The following AGFG1 variants were observed in gnomAD, a reference collection of about 807,000 sequenced individuals.
AGFG1 encodes the protein arf-GAP domain and FG repeat-containing protein 1.
In AGFG1, 10 loss-of-function variants were observed where a neutral mutation model predicts 60.6. The ratio of observed to expected loss-of-function variants is 0.16; its 90% CI spans 0.10 to 0.28. The LOEUF is 0.28. Ranked by LOEUF, AGFG1 falls within the 10% of genes least tolerant of loss-of-function variation. The pLI, the probability that AGFG1 is intolerant of heterozygous loss-of-function variation, is 1.00. For synonymous variants in AGFG1, 247 were observed against 242.9 expected (o/e 1.02, Z -0.16); for missense variants, 537 against 676.5 (o/e 0.79, Z 2.29).
rs1690182330 is a variant in AGFG1, at chr2:227,473,447, G to T, written c.167+859G>T. Reference sequence around the variant, plus strand: ...TCGCTATCAATACCCGAGTGCCCTGGCTGTACACAGAAATGAGGAGAGCTA... The same window carrying T: ...TCGCTATCAATACCCGAGTGCCCTGTCTGTACACAGAAATGAGGAGAGCTA... On this transcript the variant is annotated intron_variant, in intron 1 of 12. Transcript: ENST00000310078. 2.0e-5 allele frequency among the ~76,000 whole-genome samples: 3 copies of T among 152,232 alleles called. No individual in the cohort carries two copies. The South Asian group carries it at 6.2e-4, about 32-fold the overall frequency.
At chr2:227,543,530 T>C (rs905132239) in intron 10 of AGFG1, among the ~76,000 whole-genome samples, 1 of 152,238 alleles carries the variant, frequency 6.6e-6, no homozygotes, top group Non-Finnish European at 1.5e-5. Flanking sequence ...CAGTTTGTTA[T>C]GATTTCTGTT....
intron 2 of AGFG1, among the ~76,000 whole-genome samples, chr2:227,509,757 T>A (rs543293542): frequency 9.2e-5 from 14 of 152,062 alleles, no homozygotes; most frequent in Admixed American, 9.2e-4. Context: ...TGTTTAAGGA[T>A]GTATACATGG....
rs1184606840 is a variant in AGFG1 at position 227,472,635 on chromosome 2, G to C, written c.167+47G>C. 3 of 1,536,442 alleles carry C rather than the reference G, an allele frequency of 2.0e-6. 1 individual carries two copies. The highest frequency in any genetic ancestry group is 2.3e-5 in the South Asian group (2 of 85,376). On this transcript the variant is annotated intron_variant, in intron 1 of 12. Coordinates refer to ENST00000310078, the MANE Select transcript of AGFG1 (RefSeq NM_004504.5). ...GGGTGTCGGGCCCTTCCCGGGAGGT[G>C]GGGGAGCGGGCGGCGGGACCGGGAC... is the stretch of plus-strand genomic sequence containing the variant.
chr2:227,559,754 CA>C lies in AGFG1; in HGVS notation c.*5260del, dbSNP rs1656524994. On this transcript the variant is annotated 3_prime_UTR_variant, in exon 13 of 13. Coordinates refer to ENST00000310078, the MANE Select transcript of AGFG1 (RefSeq NM_004504.5). ...CTTCCCTCATTCTTGAGTGGAGAGA[CA>C]GAGGAAGCAAACGCCAAGGAGCCTT... 2 of 152,134 alleles carry C rather than the reference CA, an allele frequency of 1.3e-5. No homozygotes were observed. The highest frequency in any genetic ancestry group is 4.8e-5 in the African/African-American group (2 of 41,518). 9.4% of individuals were successfully genotyped at this position (152,134 alleles called of 1,614,324 possible). A position where few individuals can be genotyped will look rare whatever the true frequency, so the allele number is the denominator to read the frequency against.
rs753713836 is a variant in AGFG1, at chr2:227,531,118, C to T, written c.722C>T (p.Ala241Val). 3.1e-6 allele frequency: 5 copies of T among 1,612,744 alleles called. No individual in the cohort carries two copies. In the Admixed American group the frequency reaches 8.4e-5, roughly 27 times the overall value. ...AAQNSANADF[A>V]NFDAFGQSSG... ...CAGAATTCTGCAAATGCAGATTTTG[C>T]AAACTTTGATGCATTTGGACAGTCT... is the stretch of plus-strand genomic sequence containing the variant. The change falls in exon 6 of 13, where the codon GCA becomes GTA. Residue 241 changes from alanine to valine, a missense_variant. Around this residue, in one of 4 missense-constraint regions of AGFG1, gnomAD observed 287 missense variants for 343.6 expected, o/e 0.84. Transcript: ENST00000310078.
rs184435175 is a variant in AGFG1, at chr2:227,505,571, A to G, written c.261+13931A>G. On this transcript the variant is annotated intron_variant, in intron 2 of 12. Transcript: ENST00000310078. ...CTTATCCTAAGCTCACTCTTCTGTTATCTCTAAGCTCTAATTTTTAACTTT... is the reference window on the plus strand; with the variant it reads ...CTTATCCTAAGCTCACTCTTCTGTTGTCTCTAAGCTCTAATTTTTAACTTT... Among the ~76,000 whole-genome samples, 145 of 152,110 alleles carry G rather than the reference A, an allele frequency of 9.5e-4. 2 individuals carry two copies. The highest frequency in any genetic ancestry group is 3.7e-3 in the East Asian group (19 of 5,182).
At chr2:227,491,736 G>T (rs185196829) in intron 2 of AGFG1, 96 bp downstream of exon 2, 11 of 650,494 alleles carry the variant, frequency 1.7e-5, no homozygotes, top group Non-Finnish European at 2.8e-5. Context: ...TGAATTTCAC[G>T]GTCTAAATAA....
chr2:227,545,600 T>C (rs570641699), intron 10 of AGFG1, among the ~76,000 whole-genome samples: 3 of 152,356 alleles, frequency 2.0e-5, no homozygotes, highest in Middle Eastern at 6.8e-3. Flanking sequence ...TTTGTGGTTT[T>C]ATCTACCTTT....
chr2:227,515,770 CCT>C (rs1489907441), intron 2 of AGFG1, among the ~76,000 whole-genome samples: 3 of 152,054 alleles, frequency 2.0e-5, no homozygotes, highest in African/African-American at 7.2e-5. Context: ...CTTGAAACCC[CCT>C]TTTTTCAGTT....
intron 10 of AGFG1, among the ~76,000 whole-genome samples, chr2:227,542,240 G>A (rs1278359452): frequency 1.3e-5 from 2 of 152,166 alleles, no homozygotes; most frequent in African/African-American, 4.8e-5. Context: ...TCATGTGCCA[G>A]TTTTCAAAGG....
chr2:227,494,885 C>T (rs1690931626), intron 2 of AGFG1, among the ~76,000 whole-genome samples: 2 of 152,078 alleles, frequency 1.3e-5, no homozygotes, highest in Non-Finnish European at 1.5e-5. Context: ...GATGGCAATA[C>T]GAATTGTATT....
intron 1 of AGFG1, among the ~76,000 whole-genome samples, chr2:227,489,125 A>G (rs746819819): frequency 2.0e-5 from 3 of 149,820 alleles, no homozygotes; most frequent in Non-Finnish European, 4.4e-5. Flanking sequence ...ACTTTTGGAA[A>G]TTTGAAACTA....
rs995401615 is a variant in AGFG1, at chr2:227,559,768, G to A, written c.*5273G>A. The A allele has an allele frequency of 3.3e-5, 5 of 152,082 alleles. No individual in the cohort carries two copies. Among genetic ancestry groups the A allele is most frequent in the Non-Finnish European group, 7.4e-5 (5 of 67,994 alleles). The allele number at this position is 152,082 out of a possible 1,614,324, so 9.4% of individuals were successfully genotyped here. A position where few individuals can be genotyped will look rare whatever the true frequency, so the allele number is the denominator to read the frequency against. ...GAGTGGAGAGACAGAGGAAGCAAAC[G>A]CCAAGGAGCCTTCTAATTTTGACTA... On this transcript the variant is annotated 3_prime_UTR_variant, in exon 13 of 13. Transcript: ENST00000310078.
At chr2:227,497,665 C>T (rs1431411835) in intron 2 of AGFG1, among the ~76,000 whole-genome samples, 2 of 150,040 alleles carry the variant, frequency 1.3e-5, no homozygotes, top group African/African-American at 2.5e-5. Context: ...ATCTTGCATA[C>T]GTCTTAATTA....
intron 3 of AGFG1, among the ~76,000 whole-genome samples, chr2:227,520,445 T>C (rs1210762122): frequency 6.6e-6 from 1 of 152,238 alleles, no homozygotes; most frequent in Non-Finnish European, 1.5e-5. Flanking sequence ...TTTCATCTTC[T>C]GTATACTAGG....
At chr2:227,510,163 G>A (rs2106193502) in intron 2 of AGFG1, among the ~76,000 whole-genome samples, 1 of 152,220 alleles carries the variant, frequency 6.6e-6, no homozygotes, top group East Asian at 1.9e-4. Flanking sequence ...GGGGGGTAGG[G>A]AGGGGTGCTT....
In AGFG1 at chr2:227,517,512, C is replaced by T. The variant is rs536943642; in HGVS notation, c.262-2436C>T. Among the ~76,000 whole-genome samples the T allele has an allele frequency of 2.9e-4, 44 of 152,244 alleles. No individual in the cohort carries two copies. The East Asian group carries it at 4.6e-3, about 16-fold the overall frequency. ...GTCTCGATCTCCTGACCTCATGATC[C>T]GCCTGCCTTGGCCTCCCATAGTGCT... On this transcript the variant is annotated intron_variant, in intron 2 of 12. Transcript: ENST00000310078.
At chr2:227,514,432 G>A (rs1412572914) in intron 2 of AGFG1, among the ~76,000 whole-genome samples, 1 of 152,032 alleles carries the variant, frequency 6.6e-6, no homozygotes, top group African/African-American at 2.4e-5. Flanking sequence ...CGTCCAGGCT[G>A]GTCTTTACCT....
intron 10 of AGFG1, among the ~76,000 whole-genome samples, chr2:227,539,701 C>T (rs1288633915): frequency 7.1e-6 from 1 of 141,102 alleles, no homozygotes; most frequent in Non-Finnish European, 1.5e-5. Flanking sequence ...ACTGTGATTG[C>T]GCCACCACAC....
Sources: allele counts gnomAD v4.1 joint callset (sites outside exome capture counted in the v4.1 genomes callset), GRCh38; gene constraint gnomAD v4.1.1; regional missense constraint gnomAD v4.1.1; transcripts MANE v1.5; gene names NCBI Gene and HGNC (gene_info 2026-07-23, HGNC 2026-07-21).